The following FHIT variants were observed in gnomAD, a reference collection of about 807,000 sequenced individuals.
FHIT encodes fragile histidine triad diadenosine triphosphatase.
A neutral mutation model predicts 17.9 loss-of-function variants in FHIT; 19 were observed. The observed-to-expected ratio is 1.06, with a 90% CI of 0.74 to 1.56. The LOEUF (loss-of-function observed/expected upper bound fraction) is 1.56. Among genes scored for constraint, FHIT ranks in the 40% most tolerant of loss-of-function variants. The pLI is 0.00. For missense variants in FHIT, 248 were observed against 189.2 expected (o/e 1.31, Z -1.82); for synonymous variants, 81 against 69.7 (o/e 1.16, Z -0.81).
intron 8 of FHIT, among the ~76,000 whole-genome samples, chr3:59,764,904 ACACACAC>A (rs1701718511): frequency 1.8e-5 from 1 of 56,860 alleles, no homozygotes; most frequent in Non-Finnish European, 4.5e-5. Flanking sequence ...ACACACACAC[ACACACAC>A]ACACACACAG....
In FHIT at chr3:60,175,990, C is replaced by A. The variant is rs190221408; in HGVS notation, c.104-161838G>T. 3.7e-3 allele frequency among the ~76,000 whole-genome samples: 563 copies of A among 152,248 alleles called. 4 individuals are homozygous for A. The highest frequency in any genetic ancestry group is 0.012 in the African/African-American group (508 of 41,558). On this transcript the variant is annotated intron_variant, in intron 5 of 9. Coordinates refer to ENST00000492590, the MANE Select transcript of FHIT (RefSeq NM_002012.4). The stretch of plus-strand genomic sequence containing the variant: ...ACATATATTTACTGAGCATTTGAAA[C>A]GGGGCTAATGTAGCTGAAAGACGAG...
chr3:60,078,755 A>T (rs1482509612), intron 5 of FHIT, among the ~76,000 whole-genome samples: 1 of 152,180 alleles, frequency 6.6e-6, no homozygotes, highest in African/African-American at 2.4e-5. Context: ...ACTAAAAATT[A>T]TATATACATT....
intron 5 of FHIT, among the ~76,000 whole-genome samples, chr3:60,030,545 A>G (rs1004889058): frequency 7.2e-5 from 11 of 152,136 alleles, no homozygotes; most frequent in Non-Finnish European, 1.6e-4. Context: ...TATCCCTCAT[A>G]GCTTATATCA....
At chr3:60,079,769 C>G (rs1032350260) in intron 5 of FHIT, among the ~76,000 whole-genome samples, 1 of 152,020 alleles carries the variant, frequency 6.6e-6, no homozygotes, top group Non-Finnish European at 1.5e-5. Flanking sequence ...CCTGCGCAAC[C>G]ATAAACTTCA....
intron 3 of FHIT, among the ~76,000 whole-genome samples, chr3:60,920,042 A>G (rs1362205727): frequency 6.6e-6 from 1 of 152,166 alleles, no homozygotes; most frequent in South Asian, 2.1e-4. Context: ...TCAAAAAAAA[A>G]AAAAAAGAGT....
At chr3:59,764,517 A>G (rs906361211) in intron 8 of FHIT, among the ~76,000 whole-genome samples, 5 of 152,254 alleles carry the variant, frequency 3.3e-5, no homozygotes, top group African/African-American at 1.2e-4. Flanking sequence ...GCAGCCTACA[A>G]ATCCATTAAG....
chr3:60,143,283 C>A (rs1239565296), intron 5 of FHIT, among the ~76,000 whole-genome samples: 1 of 152,172 alleles, frequency 6.6e-6, no homozygotes, highest in Non-Finnish European at 1.5e-5. Context: ...ATTTCCCCAC[C>A]TCTTCAGTCA....
chr3:60,685,423 G>C (rs184310358), intron 4 of FHIT, among the ~76,000 whole-genome samples: 1 of 152,052 alleles, frequency 6.6e-6, no homozygotes, highest in African/African-American at 2.4e-5. Flanking sequence ...TAAAATGGAC[G>C]GGAGAAAGAA....
At chr3:60,164,706 T>C (rs1701086064) in intron 5 of FHIT, among the ~76,000 whole-genome samples, 2 of 152,176 alleles carry the variant, frequency 1.3e-5, no homozygotes, top group Non-Finnish European at 2.9e-5. Context: ...GTGCTCTTGA[T>C]CTGCCTACCA....
intron 8 of FHIT, among the ~76,000 whole-genome samples, chr3:59,856,793 G>A (rs1291621636): frequency 6.6e-6 from 1 of 151,748 alleles, no homozygotes; most frequent in African/African-American, 2.4e-5. Context: ...AAAGCCCTTA[G>A]CTCAGAGTCT....
chr3:60,468,731 T>C (rs2032929170), intron 5 of FHIT, among the ~76,000 whole-genome samples: 1 of 152,176 alleles, frequency 6.6e-6, no homozygotes, highest in Non-Finnish European at 1.5e-5. Flanking sequence ...AATAGTGTTA[T>C]GATATTCTTT....
At chr3:60,360,929 A>G (rs1699881235) in intron 5 of FHIT, among the ~76,000 whole-genome samples, 1 of 152,104 alleles carries the variant, frequency 6.6e-6, no homozygotes, top group Non-Finnish European at 1.5e-5. Context: ...CACAACCCAA[A>G]TCTAAGTCTG....
At chr3:61,167,573 G>A (rs950276226) in intron 2 of FHIT, among the ~76,000 whole-genome samples, 2 of 146,240 alleles carry the variant, frequency 1.4e-5, no homozygotes, top group Non-Finnish European at 3.0e-5. Flanking sequence ...AGGTTGCAGT[G>A]AGCTGAGACT....
At chr3:60,357,136 G>C (rs1699701836) in intron 5 of FHIT, among the ~76,000 whole-genome samples, 2 of 152,196 alleles carry the variant, frequency 1.3e-5, no homozygotes, top group Admixed American at 6.6e-5. Flanking sequence ...ATTCTCAAGT[G>C]ATTAAGAAAC....
chr3:60,442,862 G>A (rs2031012707), intron 5 of FHIT, among the ~76,000 whole-genome samples: 1 of 152,086 alleles, frequency 6.6e-6, no homozygotes, highest in African/African-American at 2.4e-5. Flanking sequence ...ATTACCTTGG[G>A]CAGTATGGCC....
intron 5 of FHIT, among the ~76,000 whole-genome samples, chr3:60,031,575 A>G (rs1167658266): frequency 6.6e-6 from 1 of 152,210 alleles, no homozygotes; most frequent in Non-Finnish European, 1.5e-5. Context: ...AATGGGGCTT[A>G]TTTATTCTCA....
intron 3 of FHIT, among the ~76,000 whole-genome samples, chr3:61,013,545 T>C (rs1319542526): frequency 6.6e-6 from 1 of 152,196 alleles, no homozygotes; most frequent in Admixed American, 6.5e-5. Context: ...CTGTAGCAGA[T>C]TTTTGAGAGT....
intron 4 of FHIT, among the ~76,000 whole-genome samples, chr3:60,543,006 G>A (rs1383702687): frequency 1.3e-5 from 2 of 152,154 alleles, no homozygotes; most frequent in Non-Finnish European, 2.9e-5. Flanking sequence ...AATGATTACA[G>A]TAAGTTCCCA....
At chr3:60,549,703 C>T (rs563340884) in intron 4 of FHIT, among the ~76,000 whole-genome samples, 1 of 152,276 alleles carries the variant, frequency 6.6e-6, no homozygotes, top group South Asian at 2.1e-4. Context: ...ATAACTTCTT[C>T]TAAATGTCCT....
Sources: allele counts gnomAD v4.1 joint callset (sites outside exome capture counted in the v4.1 genomes callset), GRCh38; gene constraint gnomAD v4.1.1; transcripts MANE v1.5; gene names NCBI Gene and HGNC (gene_info 2026-07-23, HGNC 2026-07-21).